The following MAGI2 variants were observed in gnomAD, a reference collection of about 807,000 sequenced individuals.
MAGI2 encodes membrane-associated guanylate kinase, WW and PDZ domain-containing protein 2.
Under a neutral mutation model 133.3 loss-of-function variants are expected in MAGI2, and 35 were observed. The ratio of observed to expected loss-of-function variants is 0.26; its 90% CI spans 0.20 to 0.35. The LOEUF (loss-of-function observed/expected upper bound fraction) is 0.35, where lower values mean the gene tolerates loss of function less well. MAGI2 is among the 10% of genes least tolerant of loss of function. The probability of loss-of-function intolerance (pLI) is 1.00; values close to 1 mark genes in which losing one functional copy is unlikely to be tolerated. For missense variants in MAGI2, 1,636 were observed against 1,863.4 expected, an observed-to-expected ratio of 0.88 and a Z score of 2.25; for synonymous variants, 729 against 710.6, an observed-to-expected ratio of 1.03 and a Z score of -0.41.
chr7:78,871,723 C>T (rs1470524864), intron 2 of MAGI2, among the ~76,000 whole-genome samples: 1 of 151,836 alleles, frequency 6.6e-6, no homozygotes, highest in East Asian at 1.9e-4. Flanking sequence ...TAATTGACTA[C>T]CGTTGATGGA....
chr7:78,491,871 TTGTGTGTGTGTGTGTGTG>T (rs10598552), intron 5 of MAGI2, among the ~76,000 whole-genome samples: 14 of 141,200 alleles, frequency 9.9e-5, no homozygotes, highest in Middle Eastern at 3.7e-3. Flanking sequence ...TCCGTTCAAA[TTGTGTGTGTGTGTGTGTG>T]TGTGTGTGTG....
chr7:78,700,035 T>C (rs1817907054), intron 2 of MAGI2, among the ~76,000 whole-genome samples: 1 of 152,124 alleles, frequency 6.6e-6, no homozygotes, highest in Non-Finnish European at 1.5e-5. Flanking sequence ...GGACCTAAAA[T>C]TATTTTATTT....
chr7:78,310,061 C>CA (rs1798569996), intron 9 of MAGI2, among the ~76,000 whole-genome samples: 1 of 151,830 alleles, frequency 6.6e-6, no homozygotes, highest in African/African-American at 2.4e-5. Flanking sequence ...TCCATAAAAG[C>CA]AAAAAATTAT....
intron 3 of MAGI2, chr7:78,618,142 T>G (rs1434958875): frequency 6.6e-6 from 1 of 152,048 alleles, no homozygotes; most frequent in Non-Finnish European, 1.5e-5. Flanking sequence ...ATAAAACATT[T>G]GCTTTATTAA....
intron 2 of MAGI2, among the ~76,000 whole-genome samples, chr7:78,825,707 C>T (rs1340259138): frequency 6.6e-6 from 1 of 152,162 alleles, no homozygotes; most frequent in Non-Finnish European, 1.5e-5. Context: ...TTCTAACTGG[C>T]TAGATCCTCA....
chr7:79,142,868 C>T (rs954057613), intron 1 of MAGI2, among the ~76,000 whole-genome samples: 7 of 152,108 alleles, frequency 4.6e-5, no homozygotes, highest in East Asian at 3.9e-4. Flanking sequence ...AGTTTCCATG[C>T]GATAAATAGG....
At chr7:78,172,467 C>A (rs1826210158) in intron 14 of MAGI2, among the ~76,000 whole-genome samples, 1 of 152,222 alleles carries the variant, frequency 6.6e-6, no homozygotes, top group Admixed American at 6.5e-5. Flanking sequence ...CCTCTTGATG[C>A]CTTTCCATCT....
chr7:79,030,579 C>T (rs1003633045), intron 1 of MAGI2, among the ~76,000 whole-genome samples: 1 of 152,086 alleles, frequency 6.6e-6, no homozygotes, highest in Non-Finnish European at 1.5e-5. Context: ...TGCAAACATG[C>T]TAAATGCATG....
At position 78,820,425 on chromosome 7, in the gene MAGI2, G is replaced by A. The variant is rs115867967; in HGVS notation, c.418+186665C>T. On this transcript the variant is annotated intron_variant, in intron 2 of 21. Transcript: ENST00000354212. The stretch of plus-strand genomic sequence containing the variant: ...TTAAAATGAACAAACCTGAAGGAAC[G>A]GAGAGACATAGTCATAAATTAAAAA... 2.6e-3 allele frequency among the ~76,000 whole-genome samples: 399 copies of A among 151,890 alleles called. 5 individuals carry two copies. The highest frequency in any genetic ancestry group is 8.9e-3 in the African/African-American group (370 of 41,494).
intron 1 of MAGI2, among the ~76,000 whole-genome samples, chr7:79,360,139 C>T (rs68113978): frequency 0.12 from 18,705 of 152,110 alleles, 1,296 homozygotes; most frequent in South Asian, 0.25. Flanking sequence ...TAGGATATGA[C>T]CTTTTCAGCA....
intron 5 of MAGI2, among the ~76,000 whole-genome samples, chr7:78,499,424 C>T (rs1428980273): frequency 1.3e-5 from 2 of 152,146 alleles, no homozygotes; most frequent in African/African-American, 4.8e-5. Context: ...CCCCATCTTG[C>T]CAACAAGTTT....
intron 2 of MAGI2, among the ~76,000 whole-genome samples, chr7:78,877,502 G>C (rs1031033726): frequency 1.3e-5 from 2 of 152,048 alleles, no homozygotes; most frequent in Non-Finnish European, 2.9e-5. Context: ...CTCCATCCTG[G>C]CACAATGGGC....
intron 2 of MAGI2, among the ~76,000 whole-genome samples, chr7:78,801,258 G>GA (rs11399855): frequency 0.86 from 130,885 of 152,054 alleles, 56,739 homozygotes; most frequent in East Asian, 1. Flanking sequence ...TGCCTGATTT[G>GA]AATACAGACC....
intron 6 of MAGI2, among the ~76,000 whole-genome samples, chr7:78,439,599 G>C (rs1787398535): frequency 6.6e-6 from 1 of 152,108 alleles, no homozygotes; most frequent in African/African-American, 2.4e-5. Context: ...GGCAATACTA[G>C]TAAGCAAATA....
At position 79,280,566 on chromosome 7, in the gene MAGI2, CA is replaced by C. The variant is rs1177204937; in HGVS notation, c.301+172453del. On this transcript the variant is annotated intron_variant, in intron 1 of 21. Transcript: ENST00000354212. ...TTGTTGGGAAATTGATGCAGCAATA[CA>C]TTTTTTTAAATTTATTTAACACAAA... 3.3e-5 allele frequency among the ~76,000 whole-genome samples: 5 copies of C among 152,082 alleles called. 1 individual carries two copies. The East Asian group carries it at 7.7e-4, about 24-fold the overall frequency.
chr7:78,791,861 T>C (rs1002105088), intron 2 of MAGI2, among the ~76,000 whole-genome samples: 1 of 152,134 alleles, frequency 6.6e-6, no homozygotes, highest in African/African-American at 2.4e-5. Flanking sequence ...AGAAACAATC[T>C]TGATGTGCAA....
At chr7:78,880,469 C>A (rs1046392181) in intron 2 of MAGI2, among the ~76,000 whole-genome samples, 4 of 152,182 alleles carry the variant, frequency 2.6e-5, no homozygotes, top group Non-Finnish European at 5.9e-5. Flanking sequence ...TCATGTCCCC[C>A]CAAACTAAGC....
At chr7:78,523,556 G>A (rs1796695170) in intron 3 of MAGI2, among the ~76,000 whole-genome samples, 1 of 152,012 alleles carries the variant, frequency 6.6e-6, no homozygotes, top group South Asian at 2.1e-4. Context: ...AAGGAAAGAG[G>A]TTTAATTGAC....
intron 2 of MAGI2, among the ~76,000 whole-genome samples, chr7:78,994,241 T>C (rs1424359039): frequency 6.6e-6 from 1 of 152,072 alleles, no homozygotes; most frequent in East Asian, 1.9e-4. Flanking sequence ...AAAGAAGGGC[T>C]ATTTGTTCTA....
Sources: gnomAD v4.1 joint callset for allele counts (sites outside exome capture counted in the v4.1 genomes callset) on GRCh38, gnomAD v4.1.1 for gene constraint, MANE v1.5 for transcripts, NCBI Gene and HGNC (gene_info 2026-07-23, HGNC 2026-07-21) for gene names.